The following C6orf118 variants were observed in gnomAD, a reference collection of about 807,000 sequenced individuals.
C6orf118 encodes the protein uncharacterized protein C6orf118.
In C6orf118, 50 loss-of-function variants were observed where a neutral mutation model predicts 50.2. That is an observed-to-expected ratio of 1.00 (90% CI 0.79 to 1.26). C6orf118 has a LOEUF of 1.26. Among genes scored for constraint, C6orf118 ranks in the 50% most tolerant of loss-of-function variants. C6orf118 has a pLI of 0.00. For synonymous variants in C6orf118, 239 were observed against 230.9 expected, an observed-to-expected ratio of 1.03 and a Z score of -0.32; for missense variants, 641 against 578.7, an observed-to-expected ratio of 1.11 and a Z score of -1.10.
intron 5 of C6orf118, among the ~76,000 whole-genome samples, chr6:165,294,937 G>C (rs1384489645): frequency 6.6e-6 from 1 of 151,994 alleles, no homozygotes; most frequent in Non-Finnish European, 1.5e-5. Flanking sequence ...AATGATGAAA[G>C]TCTTTTCAAT....
At chr6:165,302,519 A>G (rs1024636900) in intron 1 of C6orf118, among the ~76,000 whole-genome samples, 1 of 152,152 alleles carries the variant, frequency 6.6e-6, no homozygotes, top group Non-Finnish European at 1.5e-5. Context: ...GTGCAAGTCA[A>G]CCCGAAAGCT....
chr6:165,300,757 T>C (rs1780498431), intron 2 of C6orf118, among the ~76,000 whole-genome samples: 1 of 152,038 alleles, frequency 6.6e-6, no homozygotes, highest in African/African-American at 2.4e-5. Flanking sequence ...ACTCTCCGCC[T>C]CCACAGTCCC....
In C6orf118 at chr6:165,281,689, T is replaced by G. The variant is rs1239452910; in HGVS notation, c.1307A>C (p.Glu436Ala). Residue 436 changes from glutamate to alanine, a missense_variant, in exon 8 of 9, where the codon GAA (glutamate) becomes GCA (alanine). Coordinates refer to ENST00000230301, the MANE Select transcript of C6orf118 (RefSeq NM_144980.4). ...TENRIKSIEH[E>A]AIQLETENMI... ...ATTTTCTGTTTCCAATTGTATAGCT[T>G]CATGCTGGAAGAGAAGTTGTTTTAA... The G allele has an allele frequency of 6.7e-6, 10 of 1,486,458 alleles. No individual in the cohort carries two copies. Among genetic ancestry groups the G allele is most frequent in the Middle Eastern group, 3.5e-4 (2 of 5,686 alleles). 92.1% of individuals were successfully genotyped at this position (1,486,458 alleles called of 1,614,324 possible).
chr6:165,302,082 C>T lies in C6orf118; in HGVS notation c.240G>A (p.Trp80Ter), dbSNP rs752780005. The T allele has an allele frequency of 6.2e-7, 1 of 1,613,940 alleles. No individual in the cohort carries two copies. The highest frequency in any genetic ancestry group is 1.7e-5 in the Admixed American group (1 of 60,010). Residue 80 changes from tryptophan (W) to a stop codon, truncating the protein, a stop_gained, in exon 2 of 9, where the codon TGG becomes TGA. Coordinates refer to ENST00000230301, the MANE Select transcript of C6orf118 (RefSeq NM_144980.4). LOFTEE classifies it high-confidence loss of function. ...CCCCCTTGGGCCGGTGGGCATTGGG[C>T]CAGTGCTGTAAGATCGTCTCCGGAG... ...YQPPETILQHWPNAHRPKGER... is the reference protein window; with the variant it reads ...YQPPETILQH
At chr6:165,281,786 A>G in intron 7 of C6orf118, 93 bp from the exon 8 acceptor site, 2 of 801,498 alleles carry the variant, frequency 2.5e-6, no homozygotes, top group Middle Eastern at 3.9e-4. Context: ...GAATGATATT[A>G]TAATTTCAAG....
chr6:165,283,036 A>G (rs1406235202), intron 7 of C6orf118, among the ~76,000 whole-genome samples: 1 of 152,192 alleles, frequency 6.6e-6, no homozygotes, highest in African/African-American at 2.4e-5. Flanking sequence ...ACCGCGAAGA[A>G]AATCTGCAGG....
rs1222237476 is a variant in C6orf118, at chr6:165,290,028, G to C, written c.1160C>G (p.Thr387Ser). 1 of 1,608,234 alleles carries C rather than the reference G, an allele frequency of 6.2e-7. No individual in the cohort carries two copies. The highest frequency in any genetic ancestry group is 8.5e-7 in the Non-Finnish European group (1 of 1,177,840). ...EKHIIDENRL[T>S]LTEKVEKKRC... ...CTTCTTTTCAACCTTCTCAGTAAGA[G>C]TAAGTCGGTTTTCATCAATTATATG... is the stretch of plus-strand genomic sequence containing the variant. The change falls in exon 7 of 9, where the codon ACT (threonine) becomes AGT (serine). Residue 387 changes from threonine to serine, a missense_variant. By Grantham distance (58) the Thr-to-Ser change is moderately conservative (BLOSUM62 1). Transcript: ENST00000230301.
chr6:165,289,051 T>A (rs1780014713), intron 7 of C6orf118, among the ~76,000 whole-genome samples: 1 of 151,968 alleles, frequency 6.6e-6, no homozygotes, highest in African/African-American at 2.4e-5. Context: ...CTTACAACAG[T>A]AAACCATAGC....
Position 165,299,520 on chromosome 6 carries a change from A to G in C6orf118, c.877-18T>C, listed in dbSNP as rs144386984. 461 of 1,612,626 alleles carry G rather than the reference A, an allele frequency of 2.9e-4. 3 individuals are homozygous for G. In the East Asian group the frequency reaches 0.01, roughly 35 times the overall value. Reference sequence around the variant, plus strand: ...TATTCATCCTGTACAGAAACAAACAAAAGTCCACTGGCCATGTATGAGGAG... The same window carrying G: ...TATTCATCCTGTACAGAAACAAACAGAAGTCCACTGGCCATGTATGAGGAG... On this transcript the variant is annotated intron_variant, in intron 3 of 8. Coordinates refer to ENST00000230301, the MANE Select transcript of C6orf118 (RefSeq NM_144980.4).
intron 7 of C6orf118, among the ~76,000 whole-genome samples, chr6:165,285,702 G>A (rs1234415142): frequency 6.6e-6 from 1 of 151,986 alleles, no homozygotes; most frequent in African/African-American, 2.4e-5. Context: ...ATAAAATTAA[G>A]GCAGAAATCA....
chr6:165,292,484 G>T (rs1019570739), intron 6 of C6orf118, among the ~76,000 whole-genome samples: 2 of 152,110 alleles, frequency 1.3e-5, no homozygotes, highest in Non-Finnish European at 2.9e-5. Flanking sequence ...TTTATTAGTG[G>T]CTAGCAGTAA....
chr6:165,285,582 T>C (rs1583001906), intron 7 of C6orf118, among the ~76,000 whole-genome samples: 1 of 151,742 alleles, frequency 6.6e-6, no homozygotes, highest in South Asian at 2.1e-4. Context: ...ACAAACAGTC[T>C]CCCAGACCAC....
At chr6:165,306,921 G>T (rs1302395068) in intron 1 of C6orf118, among the ~76,000 whole-genome samples, 1 of 151,980 alleles carries the variant, frequency 6.6e-6, no homozygotes, top group Non-Finnish European at 1.5e-5. Flanking sequence ...AACATTGTGT[G>T]TGTCTGTGTG....
chr6:165,279,873 CAT>C lies in C6orf118; in HGVS notation c.*182_*183del. ...AAATATGTATGCAACAGAAACTAATCATGTGTACGCATGTGTGTATTTCAGTA... is the reference window on the plus strand; with the variant it reads ...AAATATGTATGCAACAGAAACTAATCGTGTACGCATGTGTGTATTTCAGTA... On this transcript the variant is annotated 3_prime_UTR_variant, in exon 9 of 9. Coordinates refer to ENST00000230301, the MANE Select transcript of C6orf118 (RefSeq NM_144980.4). The C allele has an allele frequency of 8.2e-6, 4 of 488,514 alleles. No individual in the cohort carries two copies. The highest frequency in any genetic ancestry group is 1.1e-5 in the Non-Finnish European group (3 of 285,632). The allele number at this position is 488,514 out of a possible 1,614,324, so 30.3% of individuals were successfully genotyped here.
intron 1 of C6orf118, among the ~76,000 whole-genome samples, chr6:165,308,313 C>T (rs1780819505): frequency 1.3e-5 from 2 of 152,124 alleles, no homozygotes; most frequent in South Asian, 4.1e-4. Flanking sequence ...AGAGAAGTTT[C>T]TCTGGCAAGA....
intron 5 of C6orf118, among the ~76,000 whole-genome samples, chr6:165,295,640 T>G (rs948906452): frequency 2.5e-5 from 3 of 117,944 alleles, no homozygotes; most frequent in African/African-American, 1.3e-4. Flanking sequence ...ATTTTATTAT[T>G]GATTTATTGT....
chr6:165,284,864 CA>C (rs1723607898), intron 7 of C6orf118, among the ~76,000 whole-genome samples: 2 of 152,256 alleles, frequency 1.3e-5, no homozygotes, highest in South Asian at 4.1e-4. Flanking sequence ...CCAGCCACTA[CA>C]AAAACACACA....
chr6:165,300,232 G>T, intron 3 of C6orf118, 132 bp downstream of exon 3: 1 of 1,052,350 alleles, frequency 9.5e-7, no homozygotes, highest in Non-Finnish European at 1.4e-6. Context: ...GAGTCTCTGG[G>T]AGTGATGGTC....
At chr6:165,290,268 C>T (rs541257847) in intron 6 of C6orf118, among the ~76,000 whole-genome samples, 6 of 152,034 alleles carry the variant, frequency 3.9e-5, no homozygotes, top group Non-Finnish European at 8.8e-5. Context: ...CTAATCAATA[C>T]ATATTTGTTG....
Sources: gnomAD v4.1 joint callset for allele counts (sites outside exome capture counted in the v4.1 genomes callset) on GRCh38, gnomAD v4.1.1 for gene constraint, MANE v1.5 for transcripts, NCBI Gene and HGNC (gene_info 2026-07-23, HGNC 2026-07-21) for gene names.